The following STAT5A variants were observed in gnomAD, a reference collection of about 807,000 sequenced individuals.
STAT5A encodes signal transducer and activator of transcription 5A.
A neutral mutation model predicts 100.2 loss-of-function variants in STAT5A; 26 were observed. The observed-to-expected ratio is 0.26, with a 90% CI of 0.19 to 0.36. The LOEUF (loss-of-function observed/expected upper bound fraction) is 0.36, where lower values mean the gene tolerates loss of function less well. Among genes scored for constraint, STAT5A ranks in the 10% least tolerant of loss-of-function variants. The probability of loss-of-function intolerance (pLI) is 1.00; values close to 1 mark genes in which losing one functional copy is unlikely to be tolerated. For synonymous variants in STAT5A, 330 were observed against 424.3 expected, an observed-to-expected ratio of 0.78 and a Z score of 2.73; for missense variants, 634 against 1,027.5, an observed-to-expected ratio of 0.62 and a Z score of 5.24.
At chr17:42,299,621 A>G in intron 5 of STAT5A, 130 bp from the exon 6 acceptor site, 3 of 1,480,556 alleles carry the variant, frequency 2.0e-6, no homozygotes, top group Non-Finnish European at 2.7e-6. Flanking sequence ...GCTGTCAGGA[A>G]CCCCGACTTG....
At chr17:42,305,742 C>G in intron 12 of STAT5A, 40 bp downstream of exon 12, 1 of 1,599,194 alleles carries the variant, frequency 6.3e-7, no homozygotes, top group Non-Finnish European at 8.6e-7. Context: ...ACCCCCAGGC[C>G]CTAGGACTCA....
In STAT5A at chr17:42,292,476, C is replaced by T. The variant is rs183988199; in HGVS notation, c.375+415C>T. The stretch of plus-strand genomic sequence containing the variant: ...CCCGAGTAGCTGGGGCTACAGGCGC[C>T]CACCACCATGCCCGGTTAATTTTTT... On this transcript the variant is annotated intron_variant, in intron 4 of 18. Transcript: ENST00000590949. 1.9e-3 allele frequency among the ~76,000 whole-genome samples: 281 copies of T among 151,786 alleles called. 1 individual carries two copies. The highest frequency in any genetic ancestry group is 6.6e-3 in the African/African-American group (272 of 41,374).
At chr17:42,302,889 A>G (rs2080994557) in intron 9 of STAT5A, among the ~76,000 whole-genome samples, 1 of 151,984 alleles carries the variant, frequency 6.6e-6, no homozygotes, top group South Asian at 2.1e-4. Flanking sequence ...CCGGAGGTGG[A>G]CGTGGCAGTG....
At chr17:42,307,840 G>T (rs767069382) in intron 15 of STAT5A, 117 bp downstream of exon 15, 1 of 1,405,858 alleles carries the variant, frequency 7.1e-7, no homozygotes, top group Admixed American at 2.2e-5. Context: ...GGGAAGCTTA[G>T]TATGAGAGGG....
intron 2 of STAT5A, 102 bp from the exon 3 acceptor site, chr17:42,289,764 G>A (rs1034154336): frequency 7.0e-7 from 1 of 1,427,904 alleles, no homozygotes; most frequent in Non-Finnish European, 9.2e-7. Context: ...GCCCTGGAGT[G>A]CCCTCGGTCA....
Position 42,301,431 on chromosome 17 carries a change from G to A in STAT5A, c.1146G>A (p.Leu382=). ...TCAGTGAGCAGCAGGCCAAGTCTCTGCTTAAAAATGAGAACACCCGCAAGT... is the reference window on the plus strand; with the variant it reads ...TCAGTGAGCAGCAGGCCAAGTCTCTACTTAAAAATGAGAACACCCGCAAGT... ...TIISEQQAKS[L]LKNENTRNEC... is the part of the protein sequence containing the mutation. The change falls in exon 9 of 19, where the codon CTG becomes CTA. Residue 382 remains leucine (L), a synonymous_variant. Transcript: ENST00000590949. 1.2e-6 allele frequency: 2 copies of A among 1,614,150 alleles called. No homozygotes were observed. Among genetic ancestry groups the A allele is most frequent in the Non-Finnish European group, 8.5e-7 (1 of 1,180,028 alleles).
rs772706483 is a variant in STAT5A, at chr17:42,289,480, C to T, written c.69C>T (p.Gly23=). The part of the protein sequence containing the change: ...DALRQMQVLY[G]QHFPIEVRHY... ...TGCGCCAGATGCAGGTGCTGTACGG[C>T]CAGCACTTCCCCATCGAGGTCCGGC... The change falls in exon 2 of 19, where the codon GGC becomes GGT. Residue 23 remains glycine, a synonymous_variant. Transcript: ENST00000590949. 3 of 1,613,220 alleles carry T rather than the reference C, an allele frequency of 1.9e-6. No homozygotes were observed. In the East Asian group the frequency reaches 6.7e-5, roughly 36 times the overall value.
Position 42,308,968 on chromosome 17 carries a change from A to G in STAT5A, c.2063-79A>G. 1 of 1,573,066 alleles carries G rather than the reference A, an allele frequency of 6.4e-7. No homozygotes were observed. On this transcript the variant is annotated intron_variant, in intron 16 of 18. Coordinates refer to ENST00000590949, the MANE Select transcript of STAT5A (RefSeq NM_001288718.2). This position sits in a 1 kb window ranked among gnomAD's most constrained non-coding sequence, Gnocchi z 4.6. ...ACAAGGTGATGTGAGCAGGAGGGAG[A>G]CTACATGGGGCGTGGGCTTCCACCC...
chr17:42,299,604 C>T (rs1250515103), intron 5 of STAT5A, 147 bp from the exon 6 acceptor site: 14 of 1,362,552 alleles, frequency 1.0e-5, no homozygotes, highest in Middle Eastern at 4.2e-4. Flanking sequence ...TCATCTTGGC[C>T]CCCCTGGCTG....
At position 42,310,950 on chromosome 17, in the gene STAT5A, C is replaced by T; in HGVS notation, c.*281C>T. Reference sequence around the variant, plus strand: ...CCGAGCCTCTGTCACTGCAGGCACTCAATGCAGCCAGACCTATTCCTCCTG... The same window carrying T: ...CCGAGCCTCTGTCACTGCAGGCACTTAATGCAGCCAGACCTATTCCTCCTG... On this transcript the variant is annotated 3_prime_UTR_variant, in exon 19 of 19. Coordinates refer to ENST00000590949, the MANE Select transcript of STAT5A (RefSeq NM_001288718.2). The T allele has an allele frequency of 2.1e-6, 1 of 479,022 alleles. No homozygotes were observed. Among genetic ancestry groups the T allele is most frequent in the Admixed American group, 3.3e-5 (1 of 30,152 alleles). The allele number at this position is 479,022 out of a possible 1,614,324, so 29.7% of individuals were successfully genotyped here.
At position 42,310,717 on chromosome 17, in the gene STAT5A, C is replaced by T. The variant is rs773000903; in HGVS notation, c.*48C>T. The stretch of plus-strand genomic sequence containing the variant: ...TTTGGAAACAATATGCAATGTGAAG[C>T]GGTCGTGTTGTGAGTTTAGTAAGGC... On this transcript the variant is annotated 3_prime_UTR_variant, in exon 19 of 19. Coordinates refer to ENST00000590949, the MANE Select transcript of STAT5A (RefSeq NM_001288718.2). 10 of 1,611,152 alleles carry T rather than the reference C, an allele frequency of 6.2e-6. No homozygotes were observed. Among genetic ancestry groups the T allele is most frequent in the South Asian group, 3.3e-5 (3 of 90,890 alleles).
rs2080873025 is a variant in STAT5A at position 42,291,961 on chromosome 17, G to T, written c.286-11G>T. The stretch of plus-strand genomic sequence containing the variant: ...AGGATGGCGCTGGAGGCTACTGTTG[G>T]ATTCTTTCAGAAAACATATGACCGC... On this transcript the variant is annotated splice_polypyrimidine_tract_variant and intron_variant, in intron 3 of 18. Coordinates refer to ENST00000590949, the MANE Select transcript of STAT5A (RefSeq NM_001288718.2). The T allele has an allele frequency of 6.2e-7, 1 of 1,613,392 alleles. No individual in the cohort carries two copies. The highest frequency in any genetic ancestry group is 1.1e-5 in the South Asian group (1 of 91,070).
At chr17:42,291,156 C>G (rs915201824) in intron 3 of STAT5A, among the ~76,000 whole-genome samples, 1 of 152,226 alleles carries the variant, frequency 6.6e-6, no homozygotes, top group African/African-American at 2.4e-5. Context: ...AGTGCATAAC[C>G]TAGATCCCTC....
intron 18 of STAT5A, 138 bp downstream of exon 18, chr17:42,309,622 A>G (rs1312936750): frequency 1.2e-6 from 1 of 821,402 alleles, no homozygotes; most frequent in Non-Finnish European, 1.9e-6. Context: ...CAGCCAGGAA[A>G]ACAGAGCATT....
At position 42,308,109 on chromosome 17, in the gene STAT5A, C is replaced by G; in HGVS notation, c.1907-69C>G. ...GCCCAGATTTCTCTTGCAAGCCTGC[C>G]CTAAAGCCCCACAACCTTGGTCCTC... On this transcript the variant is annotated intron_variant, in intron 15 of 18. Transcript: ENST00000590949. This position sits in a 1 kb window ranked among gnomAD's most constrained non-coding sequence, Gnocchi z 4.6. 1 of 1,584,148 alleles carries G rather than the reference C, an allele frequency of 6.3e-7. No individual in the cohort carries two copies. The highest frequency in any genetic ancestry group is 8.6e-7 in the Non-Finnish European group (1 of 1,161,968).
At chr17:42,301,536 G>A in intron 9 of STAT5A, 82 bp downstream of exon 9, 1 of 1,562,220 alleles carries the variant, frequency 6.4e-7, no homozygotes, top group African/African-American at 1.4e-5. Context: ...ATCCAGCTAT[G>A]TCTTGTCCCC....
chr17:42,307,108 G>A (rs2081036610), intron 13 of STAT5A, among the ~76,000 whole-genome samples: 1 of 152,094 alleles, frequency 6.6e-6, no homozygotes, highest in South Asian at 2.1e-4. Flanking sequence ...TAAAATGAGG[G>A]GATGACTTTG....
intron 9 of STAT5A, among the ~76,000 whole-genome samples, chr17:42,303,245 T>A (rs1223674396): frequency 6.6e-6 from 1 of 151,518 alleles, no homozygotes; most frequent in Non-Finnish European, 1.5e-5. Flanking sequence ...AGACTCTGTT[T>A]CAAAAAAAAA....
chr17:42,308,501 A>T lies in STAT5A; in HGVS notation c.2062+168A>T. The stretch of plus-strand genomic sequence containing the variant: ...GTGGAGAGGATTTCAGGGCTCACAA[A>T]TGAGGAGAGGGAACGAGAAACCCGT... On this transcript the variant is annotated intron_variant, in intron 16 of 18. Transcript: ENST00000590949. The surrounding 1 kb of genome is among the most constrained non-coding windows in gnomAD (Gnocchi z 4.6). 1.2e-6 allele frequency: 1 copy of T among 861,198 alleles called. No homozygotes were observed. The highest frequency in any genetic ancestry group is 1.8e-6 in the Non-Finnish European group (1 of 568,516). The allele number at this position is 861,198 out of a possible 1,614,324, so 53.3% of individuals were successfully genotyped here.
Sources: allele counts gnomAD v4.1 joint callset (sites outside exome capture counted in the v4.1 genomes callset), GRCh38; gene constraint gnomAD v4.1.1; non-coding constraint Gnocchi (gnomAD v3.1); transcripts MANE v1.5; gene names NCBI Gene and HGNC (gene_info 2026-07-23, HGNC 2026-07-21).